KRAS: variants seen among roughly 807,000 people sequenced by gnomAD.
The protein encoded by KRAS is GTPase KRas.
KRAS carries 1 observed loss-of-function variant against 21.0 expected under a neutral mutation model. The ratio of observed to expected loss-of-function variants is 0.05; its 90% confidence interval spans 0.02 to 0.23. The LOEUF is 0.23. Among genes scored for constraint, KRAS ranks in the 10% least tolerant of loss-of-function variants. KRAS has a pLI of 1.00. For missense variants in KRAS, 107 were observed against 221.8 expected (o/e 0.48, Z 3.29); for synonymous variants, 67 against 72.5 (o/e 0.92, Z 0.39).
Position 25,206,498 on chromosome 12 carries a change from G to A in KRAS, c.*3297C>T. 5.0e-6 allele frequency: 1 copy of A among 201,946 alleles called. No homozygotes were observed. Among genetic ancestry groups the A allele is most frequent in the Non-Finnish European group, 1.0e-5 (1 of 99,284 alleles). The allele number at this position is 201,946 out of a possible 1,614,324, so 12.5% of individuals were successfully genotyped here. A position where few individuals can be genotyped will look rare whatever the true frequency, so the allele number is the denominator to read the frequency against. ...AAATCTCTACAAAAACAAATCTTTT[G>A]TTAAACCATTCAAAGTTCACATAAA... On this transcript the variant is annotated 3_prime_UTR_variant, in exon 5 of 5. Transcript: ENST00000311936.
In KRAS at chr12:25,208,377, TTTA is replaced by T. The variant is rs1951164267; in HGVS notation, c.*1415_*1417del. ...TTTTAAATTTATCAAAAGGATTGTTTTTATTTTTATTTTAAAGCATTATTAAAT... is the reference window on the plus strand; with the variant it reads ...TTTTAAATTTATCAAAAGGATTGTTTTTTTTATTTTAAAGCATTATTAAAT... On this transcript the variant is annotated 3_prime_UTR_variant, in exon 5 of 5. Transcript: ENST00000311936. The T allele has an allele frequency of 4.3e-6, 1 of 231,918 alleles. No homozygotes were observed. Among genetic ancestry groups the T allele is most frequent in the South Asian group, 1.8e-4 (1 of 5,490 alleles). The allele number at this position is 231,918 out of a possible 1,614,324, so 14.4% of individuals were successfully genotyped here.
rs1319646940 is a variant in KRAS at position 25,209,226 on chromosome 12, T to C, written c.*569A>G. ...TATAATATTTTGGGGAGAGTGACCA[T>C]GACTAATAGCAGTGGAAAGGAGACA... is the stretch of plus-strand genomic sequence containing the variant. On this transcript the variant is annotated 3_prime_UTR_variant, in exon 5 of 5. Transcript: ENST00000311936. The C allele has an allele frequency of 2.9e-6, 2 of 684,346 alleles. No homozygotes were observed. The highest frequency in any genetic ancestry group is 1.8e-5 in the African/African-American group (1 of 56,612). The allele number at this position is 684,346 out of a possible 1,614,324, so 42.4% of individuals were successfully genotyped here.
In KRAS at chr12:25,209,167, A is replaced by C; in HGVS notation, c.*628T>G. The stretch of plus-strand genomic sequence containing the variant: ...TTATAATAGTTTCCATTGCCTTGTA[A>C]TTTTTTTCCATTTTTTTCTTTTTAT... On this transcript the variant is annotated 3_prime_UTR_variant, in exon 5 of 5. Transcript: ENST00000311936. 1.5e-6 allele frequency: 1 copy of C among 658,242 alleles called. No individual in the cohort carries two copies. The highest frequency in any genetic ancestry group is 2.7e-6 in the Non-Finnish European group (1 of 367,382). The allele number at this position is 658,242 out of a possible 1,614,324, so 40.8% of individuals were successfully genotyped here.
chr12:25,217,164 G>C (rs1257759196), intron 4 of KRAS, among the ~76,000 whole-genome samples: 24 of 152,142 alleles, frequency 1.6e-4, no homozygotes, highest in Non-Finnish European at 1.5e-5. Flanking sequence ...ATCACACACA[G>C]AGAATTGGCA....
chr12:25,248,420 G>T (rs1951715974), intron 1 of KRAS, among the ~76,000 whole-genome samples: 1 of 151,918 alleles, frequency 6.6e-6, no homozygotes, highest in East Asian at 2.0e-4. Flanking sequence ...ACTGCATTCC[G>T]GCCTGGGTGA....
chr12:25,210,082 C>T (rs539605196), intron 4 of KRAS, among the ~76,000 whole-genome samples, 171 bp from the exon 5 acceptor site: 2 of 152,120 alleles, frequency 1.3e-5, no homozygotes, highest in South Asian at 2.1e-4. Flanking sequence ...AAATGTCATC[C>T]GCATAGGTGT....
chr12:25,221,785 A>G (rs145946289), intron 4 of KRAS, among the ~76,000 whole-genome samples: 217 of 152,184 alleles, frequency 1.4e-3, no homozygotes, highest in African/African-American at 4.9e-3. Flanking sequence ...CATGATCAAG[A>G]CCCCAAAAGT....
intron 2 of KRAS, among the ~76,000 whole-genome samples, chr12:25,240,215 A>T (rs1396465765): frequency 6.6e-6 from 1 of 152,162 alleles, no homozygotes; most frequent in Non-Finnish European, 1.5e-5. Flanking sequence ...TAACCTACAC[A>T]TTATGAAATA....
chr12:25,245,091 A>G (rs571117912), intron 2 of KRAS, among the ~76,000 whole-genome samples, 183 bp downstream of exon 2: 49 of 152,330 alleles, frequency 3.2e-4, no homozygotes, highest in African/African-American at 9.4e-4. Context: ...ACATACTCCC[A>G]AGGAAAGTAA....
chr12:25,215,426 C>T (rs778898323), intron 4 of KRAS: 3 of 1,613,166 alleles, frequency 1.9e-6, no homozygotes, highest in Non-Finnish European at 2.5e-6. Flanking sequence ...ATGTGCTGAA[C>T]TTAAACTTAC....
At chr12:25,221,342 A>ACT (rs1470080173) in intron 4 of KRAS, among the ~76,000 whole-genome samples, 1 of 150,300 alleles carries the variant, frequency 6.7e-6, no homozygotes, top group African/African-American at 2.5e-5. Flanking sequence ...AAGCAATTCT[A>ACT]CTGCCTCAGC....
At position 25,209,692 on chromosome 12, in the gene KRAS, G is replaced by A. The variant is rs1167487932; in HGVS notation, c.*103C>T. 1 of 1,505,122 alleles carries A rather than the reference G, an allele frequency of 6.6e-7. No individual in the cohort carries two copies. Among genetic ancestry groups the A allele is most frequent in the East Asian group, 2.3e-5 (1 of 42,596 alleles). The allele number at this position is 1,505,122 out of a possible 1,614,324, so 93.2% of individuals were successfully genotyped here. A position where few individuals can be genotyped will look rare whatever the true frequency, so the allele number is the denominator to read the frequency against. On this transcript the variant is annotated 3_prime_UTR_variant, in exon 5 of 5. Coordinates refer to ENST00000311936, the MANE Select transcript of KRAS (RefSeq NM_004985.5). ...AAAGCTAACAGTCTGCATGGAGCAGGAAAAAAATTAGGTAATGCTAAAACA... is the reference window on the plus strand; with the variant it reads ...AAAGCTAACAGTCTGCATGGAGCAGAAAAAAAATTAGGTAATGCTAAAACA...
At chr12:25,224,096 G>A (rs946547238) in intron 4 of KRAS, among the ~76,000 whole-genome samples, 1 of 147,862 alleles carries the variant, frequency 6.8e-6, no homozygotes, top group African/African-American at 2.5e-5. Flanking sequence ...TTGTGGTGAT[G>A]CTGGTGTAAA....
chr12:25,213,244 G>C (rs1028786951), intron 4 of KRAS, among the ~76,000 whole-genome samples: 1 of 152,070 alleles, frequency 6.6e-6, no homozygotes, highest in Admixed American at 6.6e-5. Context: ...AGAAATTTTA[G>C]AATAGTACGT....
chr12:25,232,016 A>C (rs1021554720), intron 2 of KRAS, among the ~76,000 whole-genome samples: 1 of 152,166 alleles, frequency 6.6e-6, no homozygotes, highest in Non-Finnish European at 1.5e-5. Flanking sequence ...CCCAGCCTCT[A>C]GTCCTACAGT....
In KRAS at chr12:25,207,611, T is replaced by C. The variant is rs61764368; in HGVS notation, c.*2184A>G. 0.03 allele frequency: 6,941 copies of C among 230,714 alleles called. 461 individuals are homozygous for C. Among genetic ancestry groups the C allele is most frequent in the African/African-American group, 0.13 (5,993 of 45,280 alleles). The allele number at this position is 230,714 out of a possible 1,614,324, so 14.3% of individuals were successfully genotyped here. A position where few individuals can be genotyped will look rare whatever the true frequency, so the allele number is the denominator to read the frequency against. ...TGGAATGTATTACTGTTACCAGGAG[T>C]AGTCCTAGTTATAGATTACCTAAGG... On this transcript the variant is annotated 3_prime_UTR_variant, in exon 5 of 5. Transcript: ENST00000311936.
At position 25,205,728 on chromosome 12, in the gene KRAS, CTTT is replaced by C. The variant is rs34719539; in HGVS notation, c.*4064_*4066del. 3 of 220,546 alleles carry C rather than the reference CTTT, an allele frequency of 1.4e-5. No individual in the cohort carries two copies. The highest frequency in any genetic ancestry group is 1.2e-4 in the Admixed American group (2 of 17,298). 13.7% of individuals were successfully genotyped at this position (220,546 alleles called of 1,614,324 possible). On this transcript the variant is annotated 3_prime_UTR_variant, in exon 5 of 5. Coordinates refer to ENST00000311936, the MANE Select transcript of KRAS (RefSeq NM_004985.5). Reference sequence around the variant, plus strand: ...GGGCCCTCAACATATCTGCAGATAACTTTTTTTTCCCCTAAATTCATCTAAATT... The same window carrying C: ...GGGCCCTCAACATATCTGCAGATAACTTTTTCCCCTAAATTCATCTAAATT...
chr12:25,245,511 A>T (rs1005238200), intron 1 of KRAS, 116 bp from the exon 2 acceptor site: 1 of 1,071,046 alleles, frequency 9.3e-7, no homozygotes, highest in Non-Finnish European at 1.4e-6. Context: ...TATATGAAAA[A>T]TTATTTCAAA....
chr12:25,250,541 A>C (rs1951753628), intron 1 of KRAS, among the ~76,000 whole-genome samples: 1 of 151,624 alleles, frequency 6.6e-6, no homozygotes, highest in South Asian at 2.1e-4. Context: ...TCAGCCCCGC[A>C]CCGCCCATTC....
Sources: allele counts gnomAD v4.1 joint callset (sites outside exome capture counted in the v4.1 genomes callset), GRCh38; gene constraint gnomAD v4.1.1; transcripts MANE v1.5; gene names NCBI Gene and HGNC (gene_info 2026-07-23, HGNC 2026-07-21).